ZNF488: variants seen among roughly 807,000 people sequenced by gnomAD.
ZNF488 encodes zinc finger protein 488.
ZNF488 carries 1 observed loss-of-function variant against 1.2 expected under a neutral mutation model. The observed-to-expected ratio is 0.86, with a 90% CI of 0.30 to 4.07. The LOEUF (loss-of-function observed/expected upper bound fraction) is 4.07, where lower values mean the gene tolerates loss of function less well. Among genes scored for constraint, ZNF488 ranks in the 30% most tolerant of loss-of-function variants. The pLI is 0.18. For missense variants in ZNF488, 450 were observed against 437.9 expected (o/e 1.03, Z -0.25); for synonymous variants, 185 against 190.1 (o/e 0.97, Z 0.22).
rs202233826 is a variant in ZNF488 at position 47,368,382 on chromosome 10, C to G, written c.448G>C (p.Val150Leu). 3.5e-5 allele frequency: 56 copies of G among 1,614,088 alleles called. No homozygotes were observed. The highest frequency in any genetic ancestry group is 2.2e-5 in the South Asian group (2 of 91,084). Reference sequence around the variant, plus strand: ...TCACTTCGTGCTCCGCTGGGCCACACAGAGAAGACTTTGCTGCCAGCTGGG... The same window carrying G: ...TCACTTCGTGCTCCGCTGGGCCACAGAGAGAAGACTTTGCTGCCAGCTGGG... ...RGPAGSKVFS[V>L]WPSGARSEQR... The change falls in exon 2 of 2, where the codon GTG becomes CTG. Residue 150 changes from valine to leucine, a missense_variant. Coordinates refer to ENST00000585316, the MANE Select transcript of ZNF488 (RefSeq NM_153034.4).
chr10:47,368,141 CAG>C lies in ZNF488; in HGVS notation c.687_688del (p.Cys230Ter). The C allele has an allele frequency of 6.2e-7, 1 of 1,614,144 alleles. No individual in the cohort carries two copies. The highest frequency in any genetic ancestry group is 1.1e-5 in the South Asian group (1 of 91,086). On this transcript the variant is annotated frameshift_variant, in exon 2 of 2. Coordinates refer to ENST00000585316, the MANE Select transcript of ZNF488 (RefSeq NM_153034.4). LOFTEE classifies it low-confidence loss of function (END_TRUNC). ...TGTAGGGGCACCCAGAAAAGTGCTA[CAG>C]AGTGGAGCATTCTGTGGCAATGCTT...
At chr10:47,381,342 C>T (rs1837944873) in intron 1 of ZNF488, among the ~76,000 whole-genome samples, 1 of 152,274 alleles carries the variant, frequency 6.6e-6, no homozygotes, top group South Asian at 2.1e-4. Flanking sequence ...TATCCCTAGT[C>T]TCTGCAGAAG....
intron 1 of ZNF488, among the ~76,000 whole-genome samples, chr10:47,377,600 TCACA>T (rs66911760): frequency 0.38 from 43,090 of 114,206 alleles, 8,144 homozygotes; most frequent in East Asian, 0.71. Flanking sequence ...AATAACAATC[TCACA>T]CACACACACA....
Position 47,368,666 on chromosome 10 carries a change from C to CG in ZNF488, c.163dup (p.Arg55ProfsTer5), listed in dbSNP as rs782420326. 6.5e-5 allele frequency: 105 copies of CG among 1,611,882 alleles called. No homozygotes were observed. The highest frequency in any genetic ancestry group is 8.2e-5 in the Non-Finnish European group (97 of 1,180,006). On this transcript the variant is annotated frameshift_variant, in exon 2 of 2. Coordinates refer to ENST00000585316, the MANE Select transcript of ZNF488 (RefSeq NM_153034.4). LOFTEE classifies it low-confidence loss of function (END_TRUNC). ...GCCCACAGCAGCCTCAGGGCCCAGG[C>CG]GGTTCGTCTTCTCGAGCAGCACTGG...
intron 1 of ZNF488, among the ~76,000 whole-genome samples, chr10:47,379,998 G>C (rs1411491499): frequency 6.6e-6 from 1 of 152,274 alleles, no homozygotes; most frequent in African/African-American, 2.4e-5. Flanking sequence ...TGGGCACAGT[G>C]GAGCTGTGCC....
intron 1 of ZNF488, among the ~76,000 whole-genome samples, chr10:47,375,475 G>C (rs1350432673): frequency 6.6e-6 from 1 of 152,110 alleles, no homozygotes; most frequent in African/African-American, 2.4e-5. Flanking sequence ...TTGATTTCTT[G>C]TTTTGTTCAT....
chr10:47,370,279 T>G (rs1275343035), intron 1 of ZNF488, among the ~76,000 whole-genome samples: 3 of 152,230 alleles, frequency 2.0e-5, no homozygotes, highest in African/African-American at 7.2e-5. Flanking sequence ...AGCAGAAGGG[T>G]ATGCTTTGCT....
In ZNF488 at chr10:47,381,361, A is replaced by G. The variant is rs142421351; in HGVS notation, c.-109+2859T>C. 2.4e-4 allele frequency among the ~76,000 whole-genome samples: 37 copies of G among 152,316 alleles called. No homozygotes were observed. The East Asian group carries it at 7.1e-3, about 29-fold the overall frequency. Reference sequence around the variant, plus strand: ...CCTAGTCTCTGCAGAAGCTTCCCAGACCCTTTTGGAAGATTCCAGAGGACA... The same window carrying G: ...CCTAGTCTCTGCAGAAGCTTCCCAGGCCCTTTTGGAAGATTCCAGAGGACA... On this transcript the variant is annotated intron_variant, in intron 1 of 1. Transcript: ENST00000585316.
At chr10:47,382,906 G>C (rs782092465) in intron 1 of ZNF488, among the ~76,000 whole-genome samples, 67 of 152,270 alleles carry the variant, frequency 4.4e-4, no homozygotes, top group Non-Finnish European at 8.5e-4. Context: ...TGGTAATTAA[G>C]ATCTTTACAA....
intron 1 of ZNF488, among the ~76,000 whole-genome samples, chr10:47,382,527 A>G (rs533337333): frequency 8.5e-5 from 13 of 152,254 alleles, no homozygotes; most frequent in African/African-American, 1.2e-4. Context: ...CAAAGCAGAC[A>G]CGATGATTCT....
intron 1 of ZNF488, among the ~76,000 whole-genome samples, chr10:47,378,868 A>T (rs1555214726): frequency 6.6e-6 from 1 of 152,162 alleles, no homozygotes; most frequent in African/African-American, 2.4e-5. Flanking sequence ...ACCACTCCTG[A>T]TGCCCTTTTT....
chr10:47,379,900 T>C (rs74815083), intron 1 of ZNF488, among the ~76,000 whole-genome samples: 1 of 123,678 alleles, frequency 8.1e-6, no homozygotes, highest in Non-Finnish European at 1.8e-5. Context: ...GCACACACAC[T>C]GCAGCCCACG....
At chr10:47,383,175 C>G (rs1838047768) in intron 1 of ZNF488, among the ~76,000 whole-genome samples, 1 of 150,566 alleles carries the variant, frequency 6.6e-6, no homozygotes, top group African/African-American at 2.4e-5. Flanking sequence ...AAATATTTTC[C>G]CCTTGGCCCT....
intron 1 of ZNF488, among the ~76,000 whole-genome samples, chr10:47,373,771 T>A (rs1265696925): frequency 1.3e-5 from 2 of 152,186 alleles, no homozygotes; most frequent in African/African-American, 2.4e-5. Context: ...AACATCACTC[T>A]CCTAACTAAA....
In ZNF488 at chr10:47,378,730, C is replaced by T. The variant is rs568691984; in HGVS notation, c.-109+5490G>A. Among the ~76,000 whole-genome samples the T allele has an allele frequency of 1.8e-4, 27 of 152,282 alleles. No homozygotes were observed. The South Asian group carries it at 5.6e-3, about 32-fold the overall frequency. Reference sequence around the variant, plus strand: ...AAAGCAAGAAAAGTGAACATAAAACCTCACGTTCCCTTTTGTCACAAGCTT... The same window carrying T: ...AAAGCAAGAAAAGTGAACATAAAACTTCACGTTCCCTTTTGTCACAAGCTT... On this transcript the variant is annotated intron_variant, in intron 1 of 1. Coordinates refer to ENST00000585316, the MANE Select transcript of ZNF488 (RefSeq NM_153034.4).
chr10:47,368,233 T>A lies in ZNF488; in HGVS notation c.597A>T (p.Thr199=). 6.2e-7 allele frequency: 1 copy of A among 1,614,192 alleles called. No individual in the cohort carries two copies. Among genetic ancestry groups the A allele is most frequent in the South Asian group, 1.1e-5 (1 of 91,088 alleles). Reference sequence around the variant, plus strand: ...AAAGTCGACCCCAACAAGCGAGGTCTGTAGTGTTGAGGAGTCCAGACAGCT... The same window carrying A: ...AAAGTCGACCCCAACAAGCGAGGTCAGTAGTGTTGAGGAGTCCAGACAGCT... ...LGELSGLLNT[T]DLACWGRLST... is the part of the protein sequence containing the mutation. Residue 199 remains threonine, a synonymous_variant, in exon 2 of 2, where the codon ACA becomes ACT. Coordinates refer to ENST00000585316, the MANE Select transcript of ZNF488 (RefSeq NM_153034.4).
Position 47,382,423 on chromosome 10 carries a change from T to A in ZNF488, c.-109+1797A>T, listed in dbSNP as rs141544086. ...ATGAGGAAAAATAAGTTTAAAAATATTTAAGTTTGTCTTTTTTTTTAAATA... is the reference window on the plus strand; with the variant it reads ...ATGAGGAAAAATAAGTTTAAAAATAATTAAGTTTGTCTTTTTTTTTAAATA... On this transcript the variant is annotated intron_variant, in intron 1 of 1. Coordinates refer to ENST00000585316, the MANE Select transcript of ZNF488 (RefSeq NM_153034.4). 7.2e-5 allele frequency among the ~76,000 whole-genome samples: 11 copies of A among 151,956 alleles called. No individual in the cohort carries two copies. In the East Asian group the frequency reaches 2.1e-3, roughly 29 times the overall value.
At position 47,368,917 on chromosome 10, in the gene ZNF488, G is replaced by C. The variant is rs1555213507; in HGVS notation, c.-88C>G. ...GGAAGCTCCCCATGACACTGGGCTG[G>C]ACACACTCGGCCACAGGGCCCTGCA... On this transcript the variant is annotated 5_prime_UTR_variant, in exon 2 of 2. Coordinates refer to ENST00000585316, the MANE Select transcript of ZNF488 (RefSeq NM_153034.4). The C allele has an allele frequency of 2.9e-5, 43 of 1,469,126 alleles. No homozygotes were observed. In the Middle Eastern group the frequency reaches 7.3e-4, roughly 25 times the overall value. The allele number at this position is 1,469,126 out of a possible 1,614,324, so 91.0% of individuals were successfully genotyped here.
chr10:47,370,198 GTGCTCCT>G (rs1334972917), intron 1 of ZNF488, among the ~76,000 whole-genome samples: 2 of 152,254 alleles, frequency 1.3e-5, no homozygotes, highest in Non-Finnish European at 2.9e-5. Flanking sequence ...CTCCTTCCCT[GTGCTCCT>G]TGCTGGGCAC....
Sources: allele counts gnomAD v4.1 joint callset (sites outside exome capture counted in the v4.1 genomes callset), GRCh38; gene constraint gnomAD v4.1.1; transcripts MANE v1.5; gene names NCBI Gene and HGNC (gene_info 2026-07-23, HGNC 2026-07-21).